Variants in DMD observed in about 807,000 individuals in gnomAD.
DMD encodes mutant dystrophin.
DMD carries 63 observed loss-of-function variants against 330.1 expected under a neutral mutation model. That is an observed-to-expected ratio of 0.19 (90% CI 0.16 to 0.24). The LOEUF is 0.24. DMD is among the 10% of genes least tolerant of loss of function. DMD has a pLI of 1.00. For missense variants in DMD, 3,344 were observed against 2,684.1 expected (o/e 1.25, Z -5.43); for synonymous variants, 1,223 against 959.8 (o/e 1.27, Z -5.07).
chrX:31,583,289 T>A (rs2076424578), intron 55 of DMD, among the ~76,000 whole-genome samples: 1 of 111,484 alleles, frequency 9.0e-6, no homozygotes, highest in Non-Finnish European at 1.9e-5. Flanking sequence ...ACAGAAGAGA[T>A]GTGGCATGGA....
At chrX:31,338,951 A>C (rs1311294397) in intron 61 of DMD, among the ~76,000 whole-genome samples, 13 of 108,986 alleles carry the variant, frequency 1.2e-4, no homozygotes, top group African/African-American at 4.3e-4. Flanking sequence ...CACAAAAAAA[A>C]AAAAAAAAAA....
rs764538597 is a variant in DMD at position 32,364,984 on chromosome X, G to C, written c.5025+36C>G. 4 of 1,198,632 alleles carry C rather than the reference G, an allele frequency of 3.3e-6. No homozygotes were observed. The East Asian group carries it at 1.2e-4, about 36-fold the overall frequency. On this transcript the variant is annotated intron_variant, in intron 35 of 78. Coordinates refer to ENST00000357033, the MANE Select transcript of DMD (RefSeq NM_004006.3). Reference sequence around the variant, plus strand: ...ACTTATGTATCTTTTTCTCGTGACAGAGAAGGGTGTAAAAGCTTCTAGCCT... The same window carrying C: ...ACTTATGTATCTTTTTCTCGTGACACAGAAGGGTGTAAAAGCTTCTAGCCT...
At chrX:31,433,296 C>G (rs1428575516) in intron 60 of DMD, among the ~76,000 whole-genome samples, 2 of 111,539 alleles carry the variant, frequency 1.8e-5, no homozygotes, top group African/African-American at 6.5e-5. Context: ...TCCAATCCAC[C>G]ATTGATGGGC....
At chrX:31,347,614 T>C (rs1471393383) in intron 61 of DMD, among the ~76,000 whole-genome samples, 1 of 112,467 alleles carries the variant, frequency 8.9e-6, no homozygotes, top group Non-Finnish European at 1.9e-5. Flanking sequence ...CCACATATTC[T>C]TTATCCATTC....
At chrX:31,809,976 G>A (rs1284763063) in intron 50 of DMD, among the ~76,000 whole-genome samples, 3 of 111,004 alleles carry the variant, frequency 2.7e-5, no homozygotes, top group African/African-American at 9.8e-5. Context: ...TCAAGCACGC[G>A]ATCATTTAAT....
At chrX:32,373,248 AGACCAATT>A (rs1017387067) in intron 34 of DMD, among the ~76,000 whole-genome samples, 3 of 108,506 alleles carry the variant, frequency 2.8e-5, no homozygotes, top group Non-Finnish European at 5.8e-5. Flanking sequence ...TATTTAGGAA[AGACCAATT>A]CTACAACGCC....
chrX:33,042,418 C>A lies in DMD; in HGVS notation c.32-22218G>T, dbSNP rs146776209. On this transcript the variant is annotated intron_variant, in intron 1 of 78. Transcript: ENST00000357033. ...AGATGATTTCAGCCATTCCAATTTG[C>A]AGCCTTTTGTAGAGGGGCATCAATA... is the stretch of plus-strand genomic sequence containing the variant. Among the ~76,000 whole-genome samples the A allele has an allele frequency of 4.4e-3, 496 of 112,403 alleles. 3 individuals are homozygous for A. The highest frequency in any genetic ancestry group is 0.015 in the African/African-American group (466 of 31,003).
chrX:32,916,726 A>AG (rs2087843892), intron 2 of DMD, among the ~76,000 whole-genome samples: 1 of 111,822 alleles, frequency 8.9e-6, no homozygotes, highest in East Asian at 2.8e-4. Context: ...GTAATATTGG[A>AG]CATGTGATCT....
rs1214328729 is a variant in DMD, at chrX:32,554,927, AAGAAAGAAAGAAAGAGAG to A, written c.1993-9611_1993-9594del. ...AAAGAAAGAAAGAAAGAAAGAAAGA[AAGAAAGAAAGAAAGAGAG>A]AGAGAGGGAGAGAGAAAGAAAGAGA... is the stretch of plus-strand genomic sequence containing the variant. On this transcript the variant is annotated intron_variant, in intron 16 of 78. Transcript: ENST00000357033. Among the ~76,000 whole-genome samples, 168 of 30,535 alleles carry A rather than the reference AAGAAAGAAAGAAAGAGAG, an allele frequency of 5.5e-3. 11 individuals carry two copies. The highest frequency in any genetic ancestry group is 0.016 in the African/African-American group (86 of 5,250). 26.5% of individuals were successfully genotyped at this position (30,535 alleles called of 115,157 possible). A position where few individuals can be genotyped will look rare whatever the true frequency, so the allele number is the denominator to read the frequency against.
chrX:31,273,423 T>C (rs1371007048), intron 62 of DMD, among the ~76,000 whole-genome samples: 1 of 112,168 alleles, frequency 8.9e-6, no homozygotes, highest in African/African-American at 3.2e-5. Flanking sequence ...TTTGAGTCTT[T>C]TTAATTAAAA....
chrX:32,398,872 T>C (rs555934910), intron 30 of DMD, among the ~76,000 whole-genome samples: 2 of 111,639 alleles, frequency 1.8e-5, no homozygotes, highest in Admixed American at 9.5e-5. Flanking sequence ...CGAAACAGCA[T>C]GGTACTGGCT....
chrX:32,624,780 C>T (rs2058237241), intron 11 of DMD, among the ~76,000 whole-genome samples: 1 of 111,737 alleles, frequency 8.9e-6, no homozygotes, highest in Admixed American at 9.5e-5. Flanking sequence ...TGATTTTACT[C>T]GAGAGCTGTC....
intron 54 of DMD, among the ~76,000 whole-genome samples, chrX:31,652,945 G>A (rs1455945590): frequency 9.0e-6 from 1 of 111,326 alleles, no homozygotes; most frequent in African/African-American, 3.3e-5. Flanking sequence ...GGATGAGGGA[G>A]ACTTGAGTAT....
At chrX:32,531,012 A>G (rs891796761) in intron 17 of DMD, among the ~76,000 whole-genome samples, 5 of 111,995 alleles carry the variant, frequency 4.5e-5, no homozygotes, top group African/African-American at 9.7e-5. Flanking sequence ...GAGGGCGCAC[A>G]TTCCCTTTCA....
At chrX:32,290,672 G>A (rs778156299) in intron 42 of DMD, among the ~76,000 whole-genome samples, 16 of 112,122 alleles carry the variant, frequency 1.4e-4, no homozygotes, top group Non-Finnish European at 2.8e-4. Context: ...GGTCCACTGA[G>A]CAAAATTTAT....
At chrX:33,031,100 C>G (rs897569616) in intron 1 of DMD, among the ~76,000 whole-genome samples, 8 of 110,925 alleles carry the variant, frequency 7.2e-5, no homozygotes, top group South Asian at 3.9e-4. Context: ...TCACCTATAA[C>G]TATAGTGAAC....
intron 51 of DMD, among the ~76,000 whole-genome samples, chrX:31,767,851 G>A (rs925329322): frequency 1.8e-5 from 2 of 111,726 alleles, no homozygotes; most frequent in South Asian, 7.5e-4. Context: ...TAAGTACTTT[G>A]ACCTTAACAA....
At chrX:33,186,714 C>G (rs2050280567) in intron 1 of DMD, among the ~76,000 whole-genome samples, 1 of 110,661 alleles carries the variant, frequency 9.0e-6, no homozygotes, top group African/African-American at 3.3e-5. Context: ...TTGAAGTAAT[C>G]CAGCGTGTAA....
Position 31,421,958 on chromosome X carries a change from T to TATATGTATATATACAC in DMD, c.9084+22522_9084+22523insGTGTATATATACATAT, listed in dbSNP as rs767410950. Among the ~76,000 whole-genome samples the TATATGTATATATACAC allele has an allele frequency of 3.3e-3, 226 of 67,751 alleles. 1 individual carries two copies. Among genetic ancestry groups the TATATGTATATATACAC allele is most frequent in the South Asian group, 4.6e-3 (7 of 1,536 alleles). 58.8% of individuals were successfully genotyped at this position (67,751 alleles called of 115,157 possible). A position where few individuals can be genotyped will look rare whatever the true frequency, so the allele number is the denominator to read the frequency against. On this transcript the variant is annotated intron_variant, in intron 60 of 78. Coordinates refer to ENST00000357033, the MANE Select transcript of DMD (RefSeq NM_004006.3). ...ACACACACACATATATATATATATA[T>TATATGTATATATACAC]ACACATATATATATACACATATATA...
Sources: allele counts gnomAD v4.1 joint callset (sites outside exome capture counted in the v4.1 genomes callset), GRCh38; gene constraint gnomAD v4.1.1; transcripts MANE v1.5; gene names NCBI Gene and HGNC (gene_info 2026-07-23, HGNC 2026-07-21).